Variants in SHTN1 observed in about 807,000 individuals in gnomAD.
SHTN1 encodes the protein shootin 1, also known as shootin-1.
A neutral mutation model predicts 83.1 loss-of-function variants in SHTN1; 42 were observed. That is an observed-to-expected ratio of 0.51 (90% CI 0.39 to 0.65). The LOEUF (loss-of-function observed/expected upper bound fraction) is 0.65. Among genes scored for constraint, SHTN1 ranks in the 30% least tolerant of loss-of-function variants. SHTN1 has a pLI of 0.00. For missense variants in SHTN1, 622 were observed against 737.8 expected, an observed-to-expected ratio of 0.84 and a Z score of 1.82; for synonymous variants, 224 against 247.7, an observed-to-expected ratio of 0.90 and a Z score of 0.90.
chr10:116,899,167 T>C (rs563141805), intron 16 of SHTN1, among the ~76,000 whole-genome samples: 4 of 152,126 alleles, frequency 2.6e-5, no homozygotes, highest in African/African-American at 9.6e-5. Context: ...CTTACCCTCA[T>C]GGAGCTTACA....
chr10:116,903,065 G>T (rs1589790287), intron 15 of SHTN1, among the ~76,000 whole-genome samples: 1 of 152,160 alleles, frequency 6.6e-6, no homozygotes, highest in Non-Finnish European at 1.5e-5. Flanking sequence ...CTAAAAAATT[G>T]TGAACCCATT....
chr10:116,960,302 C>T, intron 3 of SHTN1, 72 bp from the exon 4 acceptor site: 1 of 841,064 alleles, frequency 1.2e-6, no homozygotes, highest in Non-Finnish European at 2.0e-6. Context: ...CACGCATCGT[C>T]CCATGATTAA....
chr10:117,119,780 G>A (rs143563555), intron 1 of SHTN1, among the ~76,000 whole-genome samples: 198 of 151,938 alleles, frequency 1.3e-3, no homozygotes, highest in African/African-American at 4.6e-3. Context: ...CAACCTAAGC[G>A]TCTATCGACA....
At chr10:117,112,007 C>G (rs532635977) in intron 1 of SHTN1, among the ~76,000 whole-genome samples, 4 of 152,102 alleles carry the variant, frequency 2.6e-5, no homozygotes, top group South Asian at 4.2e-4. Context: ...TCTCTGTCAC[C>G]CAGGCTGGAG....
intron 1 of SHTN1, among the ~76,000 whole-genome samples, chr10:117,109,552 A>ATTTTTTTTTT (rs1564962314): frequency 4.2e-4 from 7 of 16,552 alleles, no homozygotes; most frequent in East Asian, 1.5e-3. Context: ...AACATATATT[A>ATTTTTTTTTT]CTTTTTTTTT....
intron 3 of SHTN1, among the ~76,000 whole-genome samples, chr10:116,963,326 C>A (rs1039682819): frequency 1.3e-5 from 2 of 151,556 alleles, no homozygotes; most frequent in Non-Finnish European, 2.9e-5. Flanking sequence ...CCCGCCTCGG[C>A]CTCCCAAAGT....
chr10:116,924,235 T>G (rs562288716), intron 11 of SHTN1, among the ~76,000 whole-genome samples: 1 of 152,300 alleles, frequency 6.6e-6, no homozygotes, highest in African/African-American at 2.4e-5. Context: ...TTGTTACCAC[T>G]CCATGGCGGG....
chr10:116,912,336 G>T (rs1056276337), intron 13 of SHTN1, among the ~76,000 whole-genome samples: 9 of 152,166 alleles, frequency 5.9e-5, no homozygotes, highest in African/African-American at 1.9e-4. Context: ...CAGGGGCCTG[G>T]CATGTAAGAA....
intron 3 of SHTN1, among the ~76,000 whole-genome samples, chr10:116,967,787 G>A (rs796947627): frequency 7.2e-5 from 11 of 152,184 alleles, no homozygotes; most frequent in African/African-American, 1.7e-4. Context: ...ACCTGCCATC[G>A]CATTATTTAT....
intron 7 of SHTN1, 119 bp from the exon 8 acceptor site, chr10:116,945,137 T>C: frequency 1.5e-6 from 1 of 676,650 alleles, no homozygotes; most frequent in Non-Finnish European, 2.6e-6. Context: ...CCCTCATGCA[T>C]TCCTGGTTGG....
intron 2 of SHTN1, among the ~76,000 whole-genome samples, chr10:117,020,993 CA>C (rs1852256244): frequency 1.3e-5 from 2 of 151,744 alleles, no homozygotes; most frequent in South Asian, 4.1e-4. Context: ...TAAAAATGAG[CA>C]AAAGGTTCAC....
chr10:117,033,564 G>C (rs1852451470), intron 2 of SHTN1, among the ~76,000 whole-genome samples: 1 of 152,032 alleles, frequency 6.6e-6, no homozygotes, highest in African/African-American at 2.4e-5. Context: ...AGAAAACCTG[G>C]GACCTGTTGG....
At chr10:116,913,819 G>A (rs1410560113) in intron 13 of SHTN1, among the ~76,000 whole-genome samples, 1 of 152,112 alleles carries the variant, frequency 6.6e-6, no homozygotes, top group Non-Finnish European at 1.5e-5. Flanking sequence ...TCCCCATCTT[G>A]AAGAGAAGAA....
intron 1 of SHTN1, among the ~76,000 whole-genome samples, chr10:117,050,169 A>C (rs1852720397): frequency 2.0e-5 from 3 of 152,204 alleles, no homozygotes; most frequent in Admixed American, 2.0e-4. Flanking sequence ...TCTAACAAAA[A>C]TAGAACGATA....
chr10:117,106,515 TG>T (rs1305710976), intron 1 of SHTN1, among the ~76,000 whole-genome samples: 1 of 152,122 alleles, frequency 6.6e-6, no homozygotes, highest in Non-Finnish European at 1.5e-5. Flanking sequence ...CCAGAGCCAC[TG>T]AGGGACAGCA....
chr10:116,904,278 T>C (rs776596162), intron 15 of SHTN1, among the ~76,000 whole-genome samples: 19 of 152,068 alleles, frequency 1.2e-4, no homozygotes, highest in Non-Finnish European at 2.5e-4. Flanking sequence ...TTGCTTACTT[T>C]CCCCCCTGGA....
At chr10:116,911,074 AACTGGG>A (rs1264094399) in intron 14 of SHTN1, among the ~76,000 whole-genome samples, 1 of 152,182 alleles carries the variant, frequency 6.6e-6, no homozygotes, top group Non-Finnish European at 1.5e-5. Context: ...TGTGCATAAT[AACTGGG>A]ACTGGGACCG....
At chr10:116,945,813 T>C (rs1356733487) in intron 7 of SHTN1, among the ~76,000 whole-genome samples, 2 of 152,078 alleles carry the variant, frequency 1.3e-5, no homozygotes, top group Non-Finnish European at 2.9e-5. Flanking sequence ...ATAGCAGAAA[T>C]ATGGAAACAG....
At chr10:117,018,510 A>ATTTT (rs1564932219) in intron 2 of SHTN1, among the ~76,000 whole-genome samples, 2,451 of 134,424 alleles carry the variant, frequency 0.018, 84 homozygotes, top group African/African-American at 0.065. Flanking sequence ...TTTTTTTTAA[A>ATTTT]AAAAAAAAAA....
Sources: gnomAD v4.1 joint callset for allele counts (sites outside exome capture counted in the v4.1 genomes callset) on GRCh38, gnomAD v4.1.1 for gene constraint, MANE v1.5 for transcripts, NCBI Gene and HGNC (gene_info 2026-07-23, HGNC 2026-07-21) for gene names.